The following EXOC6 variants were observed in gnomAD, a reference collection of about 807,000 sequenced individuals.
EXOC6 encodes the protein SEC15-like 1.
Under a neutral mutation model 112.5 loss-of-function variants are expected in EXOC6, and 60 were observed. The ratio of observed to expected loss-of-function variants is 0.53; its 90% CI spans 0.43 to 0.66. The LOEUF (loss-of-function observed/expected upper bound fraction) is 0.66, where lower values mean the gene tolerates loss of function less well. Among genes scored for constraint, EXOC6 ranks in the 30% least tolerant of loss-of-function variants. EXOC6 has a pLI of 0.00. For missense variants in EXOC6, 855 were observed against 957.1 expected, an observed-to-expected ratio of 0.89 and a Z score of 1.41; for synonymous variants, 295 against 308.0, an observed-to-expected ratio of 0.96 and a Z score of 0.44.
At chr10:93,010,020 T>C (rs1844167872) in intron 19 of EXOC6, among the ~76,000 whole-genome samples, 1 of 152,146 alleles carries the variant, frequency 6.6e-6, no homozygotes, top group Admixed American at 6.5e-5. Context: ...ATGATGATAG[T>C]TTGTACTAAG....
intron 20 of EXOC6, among the ~76,000 whole-genome samples, chr10:93,027,265 T>G (rs1417164112): frequency 6.6e-6 from 1 of 152,084 alleles, no homozygotes; most frequent in Non-Finnish European, 1.5e-5. Context: ...GTAGCTGAGG[T>G]TGGTTCATGA....
chr10:92,867,360 G>A (rs1654472526), intron 1 of EXOC6, among the ~76,000 whole-genome samples: 1 of 152,136 alleles, frequency 6.6e-6, no homozygotes, highest in African/African-American at 2.4e-5. Flanking sequence ...TACTGGCCAT[G>A]CAGTAACTAG....
intron 5 of EXOC6, chr10:92,901,165 G>C (rs1027907754): frequency 7.9e-5 from 12 of 152,092 alleles, no homozygotes; most frequent in African/African-American, 2.7e-4. Flanking sequence ...TGCTAAATTT[G>C]ATCATTTGGT....
At chr10:93,006,920 C>G (rs1590025485) in intron 19 of EXOC6, among the ~76,000 whole-genome samples, 1 of 152,218 alleles carries the variant, frequency 6.6e-6, no homozygotes, top group East Asian at 1.9e-4. Flanking sequence ...GCCTCCTCCC[C>G]TTTCTTTCAG....
At chr10:92,946,024 C>T (rs1217932101) in intron 13 of EXOC6, among the ~76,000 whole-genome samples, 1 of 152,028 alleles carries the variant, frequency 6.6e-6, no homozygotes, top group African/African-American at 2.4e-5. Flanking sequence ...GGCACGGTGG[C>T]TCACGCCAGT....
At chr10:93,018,936 GACTA>G (rs1423512287) in intron 20 of EXOC6, among the ~76,000 whole-genome samples, 1 of 151,808 alleles carries the variant, frequency 6.6e-6, no homozygotes, top group African/African-American at 2.4e-5. Flanking sequence ...CATACCACTG[GACTA>G]GGTAAAAAAA....
intron 20 of EXOC6, among the ~76,000 whole-genome samples, chr10:93,017,882 C>T (rs1844608190): frequency 6.6e-6 from 1 of 151,502 alleles, no homozygotes; most frequent in Admixed American, 6.6e-5. Context: ...TGGTGGTGCA[C>T]ACCTGTAATC....
At chr10:93,022,661 T>C (rs1046638542) in intron 20 of EXOC6, among the ~76,000 whole-genome samples, 2 of 152,158 alleles carry the variant, frequency 1.3e-5, no homozygotes, top group Non-Finnish European at 2.9e-5. Context: ...TATTTGTTTT[T>C]TTGCTTATAT....
chr10:92,947,179 G>C (rs1853074381), intron 13 of EXOC6, among the ~76,000 whole-genome samples: 2 of 152,196 alleles, frequency 1.3e-5, no homozygotes, highest in Non-Finnish European at 2.9e-5. Context: ...CCAAATATCA[G>C]TGGATGAACA....
intron 1 of EXOC6, among the ~76,000 whole-genome samples, chr10:92,827,474 CAAA>C (rs60863083): frequency 1.9e-3 from 64 of 33,198 alleles, no homozygotes; most frequent in African/African-American, 7.8e-3. Flanking sequence ...GCCCTGTTGC[CAAA>C]AAAAAAAAAA....
chr10:93,019,616 C>T (rs1844690352), intron 20 of EXOC6, among the ~76,000 whole-genome samples: 1 of 152,044 alleles, frequency 6.6e-6, no homozygotes, highest in Non-Finnish European at 1.5e-5. Flanking sequence ...GACCAGACTG[C>T]TTTGAGGGAT....
intron 1 of EXOC6, among the ~76,000 whole-genome samples, chr10:92,885,066 T>C (rs1481483613): frequency 6.6e-6 from 1 of 152,200 alleles, no homozygotes; most frequent in African/African-American, 2.4e-5. Context: ...TTTATTTTAC[T>C]ACCACTAGGT....
chr10:93,024,636 G>A lies in EXOC6; in HGVS notation c.2169+10369G>A, dbSNP rs555043362. On this transcript the variant is annotated intron_variant, in intron 20 of 21. Coordinates refer to ENST00000260762, the MANE Select transcript of EXOC6 (RefSeq NM_019053.6). Reference sequence around the variant, plus strand: ...TTCCACCATGTTGGCCAGGCTGGTTGCGAACTCCTGACCTCAGGTGATCCA... The same window carrying A: ...TTCCACCATGTTGGCCAGGCTGGTTACGAACTCCTGACCTCAGGTGATCCA... Among the ~76,000 whole-genome samples the A allele has an allele frequency of 3.0e-4, 45 of 152,144 alleles. 2 individuals carry two copies. The highest frequency in any genetic ancestry group is 1.1e-3 in the African/African-American group (45 of 41,522).
chr10:93,038,102 T>A (rs1003699747), intron 20 of EXOC6, among the ~76,000 whole-genome samples: 61 of 108,466 alleles, frequency 5.6e-4, no homozygotes, highest in African/African-American at 2.4e-3. Context: ...TGACTGGAAA[T>A]TTTTTTTTTT....
intron 1 of EXOC6, among the ~76,000 whole-genome samples, chr10:92,838,109 T>C (rs775295618): frequency 5.3e-5 from 8 of 152,330 alleles, no homozygotes; most frequent in South Asian, 2.1e-4. Context: ...ACTCAAGAGA[T>C]GGTTTCTACC....
chr10:92,988,484 T>C (rs1843098856), intron 18 of EXOC6, among the ~76,000 whole-genome samples: 1 of 152,172 alleles, frequency 6.6e-6, no homozygotes, highest in Admixed American at 6.5e-5. Flanking sequence ...TTCTAATTGG[T>C]CTCTACCAAC....
intron 1 of EXOC6, among the ~76,000 whole-genome samples, chr10:92,870,291 C>T (rs1271752306): frequency 6.6e-6 from 1 of 152,042 alleles, no homozygotes; most frequent in Non-Finnish European, 1.5e-5. Context: ...TATATTTTAT[C>T]ATGTTAAGGA....
chr10:92,955,443 C>A, intron 16 of EXOC6, 137 bp from the exon 17 acceptor site: 1 of 617,706 alleles, frequency 1.6e-6, no homozygotes, highest in South Asian at 2.2e-5. Flanking sequence ...CTTTTAAAAT[C>A]AGATAGTTGT....
chr10:92,975,615 T>G (rs1373362107), intron 18 of EXOC6, among the ~76,000 whole-genome samples: 71 of 95,780 alleles, frequency 7.4e-4, no homozygotes, highest in East Asian at 1.9e-3. Context: ...GGAGGGAGGT[T>G]GGGGGGTCAG....
Sources: gnomAD v4.1 joint callset for allele counts (sites outside exome capture counted in the v4.1 genomes callset) on GRCh38, gnomAD v4.1.1 for gene constraint, MANE v1.5 for transcripts, NCBI Gene and HGNC (gene_info 2026-07-23, HGNC 2026-07-21) for gene names.